Variants in UBL7 observed in about 807,000 individuals in gnomAD.
The protein encoded by UBL7 is ubiquitin-like protein 7.
A neutral mutation model predicts 41.7 loss-of-function variants in UBL7; 21 were observed. That is an observed-to-expected ratio of 0.50 (90% CI 0.36 to 0.73). The LOEUF (loss-of-function observed/expected upper bound fraction) is 0.73. Ranked by LOEUF, UBL7 falls within the 30% of genes least tolerant of loss-of-function variation. The probability of loss-of-function intolerance (pLI) is 0.00; values close to 1 mark genes in which losing one functional copy is unlikely to be tolerated. For synonymous variants in UBL7, 157 were observed against 186.9 expected (o/e 0.84, Z 1.31); for missense variants, 403 against 478.4 (o/e 0.84, Z 1.47).
chr15:74,458,226 T>C (rs1045604730), intron 2 of UBL7, among the ~76,000 whole-genome samples: 2 of 152,000 alleles, frequency 1.3e-5, no homozygotes, highest in African/African-American at 4.8e-5. Flanking sequence ...GGTTAGGAGT[T>C]CAAGACCAGC....
In UBL7 at chr15:74,451,636, T is replaced by G. The variant is rs950114274; in HGVS notation, c.388-116A>C. Reference sequence around the variant, plus strand: ...AGTGCTTGCATGTACATCACCACAATGGAACAATAGCCCCAGAAACAGATG... The same window carrying G: ...AGTGCTTGCATGTACATCACCACAAGGGAACAATAGCCCCAGAAACAGATG... On this transcript the variant is annotated intron_variant, in intron 4 of 10. Transcript: ENST00000395081. The G allele has an allele frequency of 5.7e-5, 39 of 682,708 alleles. 1 individual carries two copies. In the Middle Eastern group the frequency reaches 3.0e-3, roughly 53 times the overall value. The allele number at this position is 682,708 out of a possible 1,614,324, so 42.3% of individuals were successfully genotyped here.
At chr15:74,448,330 A>T (rs947612341) in intron 10 of UBL7, 148 bp downstream of exon 10, 2 of 1,301,304 alleles carry the variant, frequency 1.5e-6, no homozygotes, top group Non-Finnish European at 2.1e-6. Context: ...CTTGCTAGGA[A>T]CACTCTGCAC....
At chr15:74,452,517 G>T in intron 3 of UBL7, 139 bp from the exon 4 acceptor site, 1 of 806,914 alleles carries the variant, frequency 1.2e-6, no homozygotes, top group Non-Finnish European at 2.0e-6. Flanking sequence ...AAGAATGTGA[G>T]TGCCTGCTCA....
chr15:74,451,420 T>C lies in UBL7; in HGVS notation c.472+16A>G. On this transcript the variant is annotated intron_variant, in intron 5 of 10. Transcript: ENST00000395081. ...TCCGACAACTCCTATTTCCTCAAAT[T>C]CAGTCCTGCACTTACCAAGAGCAAT... 6.2e-7 allele frequency: 1 copy of C among 1,610,958 alleles called. No individual in the cohort carries two copies.
At chr15:74,452,447 C>A in intron 3 of UBL7, 69 bp from the exon 4 acceptor site, 2 of 1,467,948 alleles carry the variant, frequency 1.4e-6, no homozygotes, top group East Asian at 2.5e-5. Context: ...ATGGCAACAT[C>A]ATTTCAGCAT....
At chr15:74,457,253 G>A (rs994706979) in intron 2 of UBL7, among the ~76,000 whole-genome samples, 2 of 152,106 alleles carry the variant, frequency 1.3e-5, no homozygotes, top group Non-Finnish European at 2.9e-5. Flanking sequence ...GGGCCATGGC[G>A]AAAATTAGGG....
At chr15:74,450,426 C>G (rs945712619) in intron 6 of UBL7, among the ~76,000 whole-genome samples, 3 of 151,978 alleles carry the variant, frequency 2.0e-5, no homozygotes, top group Non-Finnish European at 4.4e-5. Context: ...CCTTCTCTTC[C>G]CAGGGTGGGG....
Position 74,449,105 on chromosome 15 carries a change from A to T in UBL7, c.882+81T>A. On this transcript the variant is annotated intron_variant, in intron 9 of 10. Coordinates refer to ENST00000395081, the MANE Select transcript of UBL7 (RefSeq NM_032907.5). ...TTAAACTAGATCTAGCACCAGGGTC[A>T]GCAAAGGCAAATCTACTCTACTGCT... The T allele has an allele frequency of 2.0e-6, 3 of 1,470,956 alleles. No individual in the cohort carries two copies. The East Asian group carries it at 7.0e-5, about 34-fold the overall frequency. The allele number at this position is 1,470,956 out of a possible 1,614,324, so 91.1% of individuals were successfully genotyped here. A position where few individuals can be genotyped will look rare whatever the true frequency, so the allele number is the denominator to read the frequency against.
chr15:74,452,399 A>G, intron 3 of UBL7, 21 bp from the exon 4 acceptor site: 1 of 1,553,142 alleles, frequency 6.4e-7, no homozygotes, highest in Non-Finnish European at 8.7e-7. Flanking sequence ...AGACATTCAG[A>G]GTTACCCTAT....
intron 3 of UBL7, among the ~76,000 whole-genome samples, 185 bp downstream of exon 3, chr15:74,456,367 G>GA (rs1365670977): frequency 2.0e-5 from 3 of 152,160 alleles, no homozygotes; most frequent in African/African-American, 7.2e-5. Flanking sequence ...CCGGCAGTAA[G>GA]AAGGTCAAAA....
At chr15:74,456,356 G>A (rs965999957) in intron 3 of UBL7, among the ~76,000 whole-genome samples, 196 bp downstream of exon 3, 2 of 152,136 alleles carry the variant, frequency 1.3e-5, no homozygotes, top group Non-Finnish European at 2.9e-5. Flanking sequence ...CATTAGTGAT[G>A]CCGGCAGTAA....
intron 10 of UBL7, among the ~76,000 whole-genome samples, chr15:74,448,044 T>C (rs1004682130): frequency 6.6e-6 from 1 of 152,226 alleles, no homozygotes; most frequent in African/African-American, 2.4e-5. Context: ...AAGTTTTGTC[T>C]GACCTAGGCC....
At chr15:74,460,863 T>C in intron 1 of UBL7, 174 bp downstream of exon 1, 1 of 1,193,606 alleles carries the variant, frequency 8.4e-7, no homozygotes, top group South Asian at 1.6e-5. Context: ...CTCAAGTTTA[T>C]GCCAGAAGGA....
chr15:74,447,117 G>A (rs1228170963), intron 10 of UBL7, among the ~76,000 whole-genome samples: 1 of 152,210 alleles, frequency 6.6e-6, no homozygotes, highest in Non-Finnish European at 1.5e-5. Context: ...AGCAACAGGG[G>A]AGATGCAAGA....
At chr15:74,450,305 G>T (rs927097764) in intron 6 of UBL7, among the ~76,000 whole-genome samples, 1 of 152,186 alleles carries the variant, frequency 6.6e-6, no homozygotes, top group Non-Finnish European at 1.5e-5. Flanking sequence ...CTCTCCACAG[G>T]CAAGGCATGA....
At position 74,446,142 on chromosome 15, in the gene UBL7, C is replaced by T. The variant is rs540380177; in HGVS notation, c.1091G>A (p.Gly364Asp). 6.2e-7 allele frequency: 1 copy of T among 1,614,098 alleles called. No individual in the cohort carries two copies. Among genetic ancestry groups the T allele is most frequent in the South Asian group, 1.1e-5 (1 of 91,086 alleles). The change falls in exon 11 of 11, where the codon GGT (glycine) becomes GAT (aspartate). Residue 364 changes from glycine to aspartate, a missense_variant. Coordinates refer to ENST00000395081, the MANE Select transcript of UBL7 (RefSeq NM_032907.5). The surrounding 1 kb of genome is among the most constrained non-coding windows in gnomAD (Gnocchi z 4.1). Reference protein sequence around the residue: ...ELSLRALQATGGDIQAALELI... With the variant: ...ELSLRALQATDGDIQAALELI... Reference sequence around the variant, plus strand: ...CTCCAGGGCTGCTTGGATGTCCCCACCGGTGGCCTGCAGGGCCCGCAGGCT... The same window carrying T: ...CTCCAGGGCTGCTTGGATGTCCCCATCGGTGGCCTGCAGGGCCCGCAGGCT...
At chr15:74,448,652 A>G (rs1166114839) in intron 9 of UBL7, 52 bp from the exon 10 acceptor site, 6 of 1,606,872 alleles carry the variant, frequency 3.7e-6, no homozygotes, top group Admixed American at 1.7e-5. Context: ...TCAATCTTAT[A>G]GCAGATGCTC....
rs1262933751 is a variant in UBL7 at position 74,456,625 on chromosome 15, G to A, written c.231C>T (p.Asp77=). 1.2e-6 allele frequency: 2 copies of A among 1,613,988 alleles called. No individual in the cohort carries two copies. The highest frequency in any genetic ancestry group is 1.7e-6 in the Non-Finnish European group (2 of 1,180,016). ...TGGACCCAGGTTGAATGCCATAGAA[G>A]TCAAGTGTCTGGTCATCTTTTAGCT... The part of the protein sequence containing the change: ...GRKLKDDQTL[D]FYGIQPGSTV... Residue 77 remains aspartate, a synonymous_variant, in exon 3 of 11, where the codon GAC becomes GAT. Transcript: ENST00000395081.
At chr15:74,453,267 T>C (rs2061266279) in intron 3 of UBL7, among the ~76,000 whole-genome samples, 1 of 152,194 alleles carries the variant, frequency 6.6e-6, no homozygotes, top group Admixed American at 6.5e-5. Context: ...CATGCCTGGC[T>C]TTAGGCAAGG....
Sources: allele counts gnomAD v4.1 joint callset (sites outside exome capture counted in the v4.1 genomes callset), GRCh38; gene constraint gnomAD v4.1.1; non-coding constraint Gnocchi (gnomAD v3.1); transcripts MANE v1.5; gene names NCBI Gene and HGNC (gene_info 2026-07-23, HGNC 2026-07-21).